The following PPARG variants were observed in gnomAD, a reference collection of about 807,000 sequenced individuals.
The protein encoded by PPARG is peroxisome proliferator-activated receptor gamma.
A neutral mutation model predicts 39.2 loss-of-function variants in PPARG; 17 were observed. That is an observed-to-expected ratio of 0.43 (90% CI 0.30 to 0.65). The LOEUF is 0.65. Among genes scored for constraint, PPARG ranks in the 30% least tolerant of loss-of-function variants. PPARG has a pLI of 0.13. For missense variants in PPARG, 406 were observed against 585.9 expected, an observed-to-expected ratio of 0.69 and a Z score of 3.17; for synonymous variants, 223 against 215.7, an observed-to-expected ratio of 1.03 and a Z score of -0.30.
At chr3:12,339,285 G>C (rs2048105875) in intron 2 of PPARG, among the ~76,000 whole-genome samples, 1 of 152,158 alleles carries the variant, frequency 6.6e-6, no homozygotes, top group South Asian at 2.1e-4. Flanking sequence ...AAGTATAATA[G>C]ATTAACAGTT....
intron 4 of PPARG, among the ~76,000 whole-genome samples, chr3:12,388,058 C>G (rs2049945211): frequency 6.6e-6 from 1 of 152,108 alleles, no homozygotes; most frequent in African/African-American, 2.4e-5. Flanking sequence ...AAAGAGAAGT[C>G]AAGGAATATC....
chr3:12,287,910 A>T (rs1216772191), upstream of PPARG: 1 of 140,220 alleles, frequency 7.1e-6, no homozygotes, highest in Non-Finnish European at 1.6e-5. Flanking sequence ...CGCCGCGGGC[A>T]GGCGGGGCCC....
chr3:12,379,452 A>G (rs755328216), intron 2 of PPARG, among the ~76,000 whole-genome samples: 1 of 152,202 alleles, frequency 6.6e-6, no homozygotes, highest in African/African-American at 2.4e-5. Context: ...AAAGGCATTT[A>G]TATGGATACA....
At chr3:12,423,293 C>T (rs1378724972) in intron 7 of PPARG, among the ~76,000 whole-genome samples, 1 of 152,180 alleles carries the variant, frequency 6.6e-6, no homozygotes, top group Non-Finnish European at 1.5e-5. Flanking sequence ...TCTTCCTGCC[C>T]TTCAGAAACA....
At chr3:12,418,327 G>A (rs1278104187) in intron 7 of PPARG, among the ~76,000 whole-genome samples, 1 of 152,126 alleles carries the variant, frequency 6.6e-6, no homozygotes, top group Non-Finnish European at 1.5e-5. Flanking sequence ...TCATCTCTCT[G>A]TATAAAAATT....
In PPARG at chr3:12,403,091, G is replaced by A. The variant is rs752419558; in HGVS notation, c.530-2791G>A. 9.9e-5 allele frequency among the ~76,000 whole-genome samples: 15 copies of A among 151,966 alleles called. No homozygotes were observed. The South Asian group carries it at 1.3e-3, about 13-fold the overall frequency. On this transcript the variant is annotated intron_variant, in intron 5 of 7. Transcript: ENST00000651735. ...GAGGATCCCTTGAGCCCAGGAGTTC[G>A]AGACCAGCCTGGGCAACATGGTGAA...
chr3:12,367,874 C>T (rs1177542360), intron 2 of PPARG, among the ~76,000 whole-genome samples: 1 of 151,270 alleles, frequency 6.6e-6, no homozygotes. Flanking sequence ...GACCCTGCCT[C>T]AAAAAATAAT....
intron 2 of PPARG, among the ~76,000 whole-genome samples, chr3:12,313,596 G>C (rs1434490048): frequency 6.6e-6 from 1 of 152,102 alleles, no homozygotes; most frequent in Non-Finnish European, 1.5e-5. Context: ...TTGGATAAGA[G>C]ATACTCAATC....
At chr3:12,381,289 G>A (rs1295230209) in intron 3 of PPARG, 33 bp from the exon 4 acceptor site, 1 of 1,606,744 alleles carries the variant, frequency 6.2e-7, no homozygotes. Flanking sequence ...GTTTTCATGG[G>A]ATAATTATCC....
intron 4 of PPARG, among the ~76,000 whole-genome samples, chr3:12,390,471 C>T (rs2050030731): frequency 1.3e-5 from 2 of 151,932 alleles, no homozygotes. Context: ...AAATCATAGT[C>T]TTTCACTAAC....
At chr3:12,320,326 T>C (rs1487022512) in intron 2 of PPARG, among the ~76,000 whole-genome samples, 1 of 152,244 alleles carries the variant, frequency 6.6e-6, no homozygotes, top group African/African-American at 2.4e-5. Context: ...GTTTGTCTTT[T>C]GGTATTGTCT....
intron 1 of PPARG, among the ~76,000 whole-genome samples, chr3:12,311,751 T>A (rs537276352): frequency 7.9e-5 from 12 of 152,208 alleles, no homozygotes; most frequent in Admixed American, 4.6e-4. Context: ...AGAGATAAGG[T>A]TGTGAATCCT....
At chr3:12,386,685 G>C (rs1218618799) in intron 4 of PPARG, among the ~76,000 whole-genome samples, 1 of 151,872 alleles carries the variant, frequency 6.6e-6, no homozygotes. Flanking sequence ...TGTTCTACAG[G>C]GCAATAAAAC....
chr3:12,366,732 A>G (rs1470711518), intron 2 of PPARG, among the ~76,000 whole-genome samples: 1 of 152,138 alleles, frequency 6.6e-6, no homozygotes, highest in Non-Finnish European at 1.5e-5. Context: ...AACCCCACAT[A>G]CCTTAGCTAA....
chr3:12,355,274 T>C (rs552601208), intron 2 of PPARG, among the ~76,000 whole-genome samples: 15 of 152,258 alleles, frequency 9.9e-5, no homozygotes, highest in Admixed American at 6.5e-4. Flanking sequence ...TAGCTGGGAC[T>C]ACAGGCGTAC....
intron 2 of PPARG, among the ~76,000 whole-genome samples, chr3:12,370,363 C>A (rs1431609911): frequency 6.6e-6 from 1 of 151,560 alleles, no homozygotes; most frequent in East Asian, 1.9e-4. Flanking sequence ...TGACAGTGTT[C>A]CTTTCTGTGT....
intron 2 of PPARG, among the ~76,000 whole-genome samples, chr3:12,348,909 C>T (rs1439130728): frequency 6.6e-6 from 1 of 152,112 alleles, no homozygotes; most frequent in Non-Finnish European, 1.5e-5. Context: ...TAATATCCTT[C>T]CAATCAGTAT....
chr3:12,363,687 C>T (rs373519175), intron 2 of PPARG, among the ~76,000 whole-genome samples: 2 of 152,228 alleles, frequency 1.3e-5, no homozygotes, highest in South Asian at 4.2e-4. Flanking sequence ...GGCAGATCTG[C>T]GGTGGCTCCC....
chr3:12,400,303 G>A (rs556759583), intron 5 of PPARG, among the ~76,000 whole-genome samples: 11 of 152,252 alleles, frequency 7.2e-5, no homozygotes, highest in South Asian at 6.2e-4. Context: ...AAAACATGCC[G>A]ATTAATTGTT....
Sources: allele counts gnomAD v4.1 joint callset (sites outside exome capture counted in the v4.1 genomes callset), GRCh38; gene constraint gnomAD v4.1.1; transcripts MANE v1.5; gene names NCBI Gene and HGNC (gene_info 2026-07-23, HGNC 2026-07-21).